The following LRMDA variants were observed in gnomAD, a reference collection of about 807,000 sequenced individuals.
LRMDA encodes leucine rich melanocyte differentiation associated.
LRMDA carries 18 observed loss-of-function variants against 29.8 expected under a neutral mutation model. The ratio of observed to expected loss-of-function variants is 0.60; its 90% CI spans 0.42 to 0.90. The LOEUF (loss-of-function observed/expected upper bound fraction) is 0.90, where lower values mean the gene tolerates loss of function less well. Among genes scored for constraint, LRMDA ranks in the 40% least tolerant of loss-of-function variants. The pLI is 0.00. For synonymous variants in LRMDA, 125 were observed against 109.4 expected, an observed-to-expected ratio of 1.14 and a Z score of -0.89; for missense variants, 273 against 273.9, an observed-to-expected ratio of 1.00 and a Z score of 0.02.
intron 6 of LRMDA, among the ~76,000 whole-genome samples, chr10:76,487,091 G>A (rs963057847): frequency 3.3e-5 from 5 of 151,954 alleles, no homozygotes; most frequent in Middle Eastern, 3.4e-3. Context: ...CATTAAGAAC[G>A]GTGATGATGA....
intron 6 of LRMDA, among the ~76,000 whole-genome samples, chr10:76,329,003 C>T (rs1163289630): frequency 6.6e-6 from 1 of 152,180 alleles, no homozygotes; most frequent in East Asian, 1.9e-4. Flanking sequence ...ATCACAGGAA[C>T]ATCTGGGTGT....
intron 2 of LRMDA, among the ~76,000 whole-genome samples, chr10:75,854,835 G>A (rs1191077217): frequency 6.6e-6 from 1 of 151,316 alleles, no homozygotes; most frequent in African/African-American, 2.4e-5. Context: ...TTTCGTTCTT[G>A]TGATAGTTTG....
chr10:75,631,118 C>T (rs567942635), intron 2 of LRMDA, among the ~76,000 whole-genome samples: 87 of 152,256 alleles, frequency 5.7e-4, no homozygotes, highest in African/African-American at 2.0e-3. Flanking sequence ...CTGACTTCTT[C>T]TTAGGAAGGA....
At chr10:76,401,645 G>A (rs1274480433) in intron 6 of LRMDA, among the ~76,000 whole-genome samples, 2 of 152,134 alleles carry the variant, frequency 1.3e-5, no homozygotes, top group Non-Finnish European at 2.9e-5. Context: ...TTGGGGTTGG[G>A]TACACATGCC....
At chr10:76,447,513 G>T (rs1842365217) in intron 6 of LRMDA, among the ~76,000 whole-genome samples, 1 of 152,048 alleles carries the variant, frequency 6.6e-6, no homozygotes, top group African/African-American at 2.4e-5. Flanking sequence ...CAGATTTTCA[G>T]TAGTTTCCAT....
chr10:76,417,411 T>C (rs899235246), intron 6 of LRMDA, among the ~76,000 whole-genome samples: 2 of 152,098 alleles, frequency 1.3e-5, no homozygotes, highest in Non-Finnish European at 2.9e-5. Context: ...GACGTATCTA[T>C]ACAATATGCA....
At chr10:75,513,313 C>A (rs183325210) in intron 2 of LRMDA, among the ~76,000 whole-genome samples, 3 of 152,152 alleles carry the variant, frequency 2.0e-5, no homozygotes, top group African/African-American at 4.8e-5. Context: ...CGCTTTCTTG[C>A]GTGCGTGTTG....
intron 2 of LRMDA, among the ~76,000 whole-genome samples, chr10:75,857,371 C>T (rs1433804300): frequency 6.6e-6 from 1 of 152,154 alleles, no homozygotes; most frequent in Non-Finnish European, 1.5e-5. Context: ...AGAGAAAAAT[C>T]ATCCTCTCAC....
At chr10:75,658,014 T>C (rs1841700144) in intron 2 of LRMDA, among the ~76,000 whole-genome samples, 2 of 152,080 alleles carry the variant, frequency 1.3e-5, no homozygotes, top group Non-Finnish European at 2.9e-5. Flanking sequence ...GCATTTCCTT[T>C]CCTCCCCTTC....
intron 2 of LRMDA, among the ~76,000 whole-genome samples, chr10:75,656,660 A>G (rs191493648): frequency 2.2e-4 from 33 of 152,230 alleles, no homozygotes; most frequent in African/African-American, 6.7e-4. Context: ...GGAGACAATG[A>G]TGATGCCTTT....
At chr10:75,457,080 ATCTT>A (rs1341632007) in intron 2 of LRMDA, among the ~76,000 whole-genome samples, 5 of 152,202 alleles carry the variant, frequency 3.3e-5, no homozygotes, top group Non-Finnish European at 7.3e-5. Context: ...ACCTTCTTGA[ATCTT>A]TATGGCAAGC....
rs73283343 is a variant in LRMDA at position 76,095,150 on chromosome 10, C to T, written c.516+36367C>T. 4.9e-3 allele frequency among the ~76,000 whole-genome samples: 747 copies of T among 152,316 alleles called. 6 individuals carry two copies. Among genetic ancestry groups the T allele is most frequent in the African/African-American group, 0.017 (711 of 41,572 alleles). ...TTAGTAGTCAACCATCCCCAACCATCCCTACCATCCCCACTTCCTGGCAAT... is the reference window on the plus strand; with the variant it reads ...TTAGTAGTCAACCATCCCCAACCATTCCTACCATCCCCACTTCCTGGCAAT... On this transcript the variant is annotated intron_variant, in intron 5 of 6. Transcript: ENST00000611255.
intron 2 of LRMDA, among the ~76,000 whole-genome samples, chr10:75,694,693 G>A (rs547107903): frequency 8.5e-5 from 13 of 152,234 alleles, no homozygotes; most frequent in East Asian, 1.9e-4. Flanking sequence ...AACAATAGAA[G>A]CAGCGTCATG....
chr10:75,879,461 C>T (rs1022169321), intron 2 of LRMDA, among the ~76,000 whole-genome samples: 6 of 152,212 alleles, frequency 3.9e-5, no homozygotes, highest in African/African-American at 9.6e-5. Flanking sequence ...GGTCATTTAC[C>T]GCCTCAGATT....
At chr10:76,049,802 G>A (rs1848499727) in intron 4 of LRMDA, among the ~76,000 whole-genome samples, 1 of 152,180 alleles carries the variant, frequency 6.6e-6, no homozygotes, top group South Asian at 2.1e-4. Flanking sequence ...CACAAAACAC[G>A]AGGTTTGCCT....
At chr10:76,403,880 G>A (rs1450860160) in intron 6 of LRMDA, among the ~76,000 whole-genome samples, 2 of 152,004 alleles carry the variant, frequency 1.3e-5, no homozygotes, top group African/African-American at 2.4e-5. Flanking sequence ...TTCCCCCCTG[G>A]CCTTCCATCT....
chr10:76,298,507 G>A (rs1287500505), intron 5 of LRMDA, among the ~76,000 whole-genome samples: 2 of 152,174 alleles, frequency 1.3e-5, no homozygotes, highest in African/African-American at 4.8e-5. Context: ...ACAAAGGTAG[G>A]AGAGGAAATG....
chr10:76,095,971 G>A (rs544365313), intron 5 of LRMDA, among the ~76,000 whole-genome samples: 1 of 150,800 alleles, frequency 6.6e-6, no homozygotes, highest in East Asian at 1.9e-4. Flanking sequence ...TGGGTTGTTT[G>A]ATTTTTTATA....
At chr10:76,513,864 G>C (rs1317765798) in intron 6 of LRMDA, among the ~76,000 whole-genome samples, 2 of 152,200 alleles carry the variant, frequency 1.3e-5, no homozygotes, top group Admixed American at 1.3e-4. Flanking sequence ...GTAGACCTCA[G>C]TATGCCACAG....
Sources: allele counts gnomAD v4.1 joint callset (sites outside exome capture counted in the v4.1 genomes callset), GRCh38; gene constraint gnomAD v4.1.1; transcripts MANE v1.5; gene names NCBI Gene and HGNC (gene_info 2026-07-23, HGNC 2026-07-21).